NRXN1: variants seen among roughly 807,000 people sequenced by gnomAD.
NRXN1 encodes the protein neurexin-1.
In NRXN1, 39 loss-of-function variants were observed where a neutral mutation model predicts 150.9. The ratio of observed to expected loss-of-function variants is 0.26; its 90% CI spans 0.20 to 0.34. The LOEUF (loss-of-function observed/expected upper bound fraction) is 0.34, where lower values mean the gene tolerates loss of function less well. NRXN1 is among the 10% of genes least tolerant of loss of function. The pLI, the probability that NRXN1 is intolerant of heterozygous loss-of-function variation, is 1.00. For missense variants in NRXN1, 1,815 were observed against 1,949.9 expected (o/e 0.93, Z 1.30); for synonymous variants, 924 against 757.0 (o/e 1.22, Z -3.62).
chr2:50,720,874 A>G (rs878894471), intron 5 of NRXN1, among the ~76,000 whole-genome samples: 2 of 152,122 alleles, frequency 1.3e-5, no homozygotes, highest in East Asian at 1.9e-4. Flanking sequence ...GAGCCAGCCA[A>G]TTAGATGAAC....
At position 50,771,642 on chromosome 2, in the gene NRXN1, C is replaced by A. The variant is rs117030029; in HGVS notation, c.833-148027G>T. Among the ~76,000 whole-genome samples the A allele has an allele frequency of 5.3e-5, 8 of 152,086 alleles. No homozygotes were observed. The East Asian group carries it at 1.6e-3, about 30-fold the overall frequency. ...CAAAGATACATTTGGAGATGGGTTG[C>A]GGGTAAGAATACCAGTTTTGGCTGG... is the stretch of plus-strand genomic sequence containing the variant. On this transcript the variant is annotated intron_variant, in intron 5 of 22. Transcript: ENST00000401669.
At chr2:49,958,277 A>G (rs767308350) in intron 21 of NRXN1, among the ~76,000 whole-genome samples, 2 of 152,012 alleles carry the variant, frequency 1.3e-5, no homozygotes, top group African/African-American at 4.8e-5. Context: ...TTGCCTAATG[A>G]CCTCTTTTTT....
chr2:50,999,989 G>C lies in NRXN1; in HGVS notation c.772+27513C>G, dbSNP rs960951570. Among the ~76,000 whole-genome samples, 4 of 151,934 alleles carry C rather than the reference G, an allele frequency of 2.6e-5. No individual in the cohort carries two copies. The South Asian group carries it at 6.2e-4, about 24-fold the overall frequency. ...TACAAATGATTTTCTGTTGAATTTA[G>C]AATAAAATAGGAAGTTCATGTTGTG... On this transcript the variant is annotated intron_variant, in intron 2 of 22. Transcript: ENST00000401669.
At chr2:50,742,243 T>A (rs928275879) in intron 5 of NRXN1, among the ~76,000 whole-genome samples, 1 of 151,570 alleles carries the variant, frequency 6.6e-6, no homozygotes, top group Non-Finnish European at 1.5e-5. Flanking sequence ...TATTTACATA[T>A]ATATAAATGC....
In NRXN1 at chr2:51,003,599, C is replaced by T. The variant is rs182594353; in HGVS notation, c.772+23903G>A. 4.3e-4 allele frequency among the ~76,000 whole-genome samples: 65 copies of T among 152,008 alleles called. 1 individual carries two copies. Among genetic ancestry groups the T allele is most frequent in the African/African-American group, 1.5e-3 (63 of 41,522 alleles). ...GAAAGAAATTCTAATTGAAAAAAGGCAGACTGGGCAAAAGATAATCAGATA... is the reference window on the plus strand; with the variant it reads ...GAAAGAAATTCTAATTGAAAAAAGGTAGACTGGGCAAAAGATAATCAGATA... On this transcript the variant is annotated intron_variant, in intron 2 of 22. Coordinates refer to ENST00000401669, the MANE Select transcript of NRXN1 (RefSeq NM_001330078.2).
chr2:50,734,045 C>G (rs920863775), intron 5 of NRXN1, among the ~76,000 whole-genome samples: 1 of 151,906 alleles, frequency 6.6e-6, no homozygotes, highest in African/African-American at 2.4e-5. Flanking sequence ...ATTTTGCCCC[C>G]CAAGGGACAT....
chr2:50,667,044 C>T (rs1041481935), intron 5 of NRXN1, among the ~76,000 whole-genome samples: 1 of 151,884 alleles, frequency 6.6e-6, no homozygotes, highest in Non-Finnish European at 1.5e-5. Context: ...ATGAAATTTG[C>T]TTTATTACCA....
At chr2:50,445,564 ACT>A (rs2086327908) in intron 17 of NRXN1, among the ~76,000 whole-genome samples, 1 of 151,960 alleles carries the variant, frequency 6.6e-6, no homozygotes, top group African/African-American at 2.4e-5. Flanking sequence ...AAGACTACAA[ACT>A]CCATGAGGGG....
chr2:50,458,337 A>G, intron 17 of NRXN1, among the ~76,000 whole-genome samples: 1 of 152,130 alleles, frequency 6.6e-6, no homozygotes, highest in South Asian at 2.1e-4. Flanking sequence ...ATACAAAGAT[A>G]AAGATAAGTA....
chr2:50,513,406 G>A (rs1245164984), intron 12 of NRXN1, among the ~76,000 whole-genome samples: 1 of 152,072 alleles, frequency 6.6e-6, no homozygotes, highest in East Asian at 1.9e-4. Context: ...GCCTCCCAAA[G>A]TCAAATTTTT....
intron 17 of NRXN1, among the ~76,000 whole-genome samples, chr2:50,246,217 T>A (rs2066487969): frequency 6.6e-6 from 1 of 152,010 alleles, no homozygotes; most frequent in South Asian, 2.1e-4. Flanking sequence ...TTCTGAAGCT[T>A]CTAAATTGTG....
intron 18 of NRXN1, among the ~76,000 whole-genome samples, chr2:50,132,284 C>T (rs962092608): frequency 1.3e-5 from 2 of 148,316 alleles, no homozygotes; most frequent in East Asian, 2.0e-4. Flanking sequence ...TTTCTTTATG[C>T]GATAGTTTAT....
chr2:50,101,467 T>C (rs1482779032), intron 18 of NRXN1, among the ~76,000 whole-genome samples: 8 of 152,056 alleles, frequency 5.3e-5, no homozygotes, highest in Admixed American at 5.2e-4. Context: ...GACCTGACTA[T>C]ATAATTACAA....
At chr2:50,653,299 T>C (rs1211943996) in intron 5 of NRXN1, among the ~76,000 whole-genome samples, 2 of 152,068 alleles carry the variant, frequency 1.3e-5, no homozygotes, top group Non-Finnish European at 2.9e-5. Flanking sequence ...GTGCAGTCTA[T>C]ATTCATGCCC....
intron 5 of NRXN1, among the ~76,000 whole-genome samples, chr2:50,893,007 A>T (rs564019689): frequency 2.0e-5 from 3 of 152,230 alleles, no homozygotes; most frequent in African/African-American, 7.2e-5. Flanking sequence ...TTTTCACCCA[A>T]ACAAGAACTC....
chr2:50,509,273 A>G (rs1443640711), intron 12 of NRXN1, among the ~76,000 whole-genome samples: 3 of 152,218 alleles, frequency 2.0e-5, no homozygotes, highest in Non-Finnish European at 4.4e-5. Context: ...ATATTGGAAC[A>G]AAGGAGATGG....
chr2:50,770,281 G>T (rs1702851319), intron 5 of NRXN1, among the ~76,000 whole-genome samples: 1 of 151,710 alleles, frequency 6.6e-6, no homozygotes, highest in South Asian at 2.1e-4. Context: ...ATGACTGTAG[G>T]TATATATATT....
chr2:50,378,744 T>C (rs1305805155), intron 17 of NRXN1, among the ~76,000 whole-genome samples: 1 of 152,060 alleles, frequency 6.6e-6, no homozygotes, highest in Non-Finnish European at 1.5e-5. Context: ...GATAATGCAG[T>C]TTATTCTGAA....
chr2:50,609,567 C>A (rs1360448361), intron 8 of NRXN1, among the ~76,000 whole-genome samples: 2 of 152,098 alleles, frequency 1.3e-5, no homozygotes, highest in Non-Finnish European at 2.9e-5. Context: ...AACTGAAGCA[C>A]AGAAACATCA....
Sources: gnomAD v4.1 joint callset for allele counts (sites outside exome capture counted in the v4.1 genomes callset) on GRCh38, gnomAD v4.1.1 for gene constraint, MANE v1.5 for transcripts, NCBI Gene and HGNC (gene_info 2026-07-23, HGNC 2026-07-21) for gene names.